Variants in NVL observed in about 807,000 individuals in gnomAD.
The protein encoded by NVL is nuclear valosin-containing protein-like.
A neutral mutation model predicts 110.2 loss-of-function variants in NVL; 84 were observed. The ratio of observed to expected loss-of-function variants is 0.76; its 90% CI spans 0.64 to 0.91. NVL has a LOEUF of 0.91. Ranked by LOEUF, NVL falls within the 40% of genes least tolerant of loss-of-function variation. NVL has a pLI of 0.00. For synonymous variants in NVL, 354 were observed against 361.1 expected (o/e 0.98, Z 0.22); for missense variants, 882 against 1,035.9 (o/e 0.85, Z 2.04).
At chr1:224,246,074 G>C (rs1439094659) in intron 19 of NVL, among the ~76,000 whole-genome samples, 1 of 151,762 alleles carries the variant, frequency 6.6e-6, no homozygotes, top group Non-Finnish European at 1.5e-5. Flanking sequence ...TTGTTGCCCA[G>C]GTTGGAGTGC....
At chr1:224,307,522 C>T (rs984651265) in intron 6 of NVL, among the ~76,000 whole-genome samples, 2 of 151,938 alleles carry the variant, frequency 1.3e-5, no homozygotes, top group African/African-American at 4.8e-5. Context: ...GGCAACCCTG[C>T]AAAACACCAT....
At chr1:224,259,088 T>C (rs1254579423) in intron 18 of NVL, among the ~76,000 whole-genome samples, 1 of 149,076 alleles carries the variant, frequency 6.7e-6, no homozygotes, top group Non-Finnish European at 1.5e-5. Context: ...TTAAGGGTGA[T>C]GAACATTTTT....
Position 224,317,800 on chromosome 1 carries a change from C to A in NVL, c.185-7G>T, listed in dbSNP as rs1242545998. ...CTACTAATTATGCTAAATACTGAAACAAAAAGAAAAACGCTATGAGCTAAA... is the reference window on the plus strand; with the variant it reads ...CTACTAATTATGCTAAATACTGAAAAAAAAAGAAAAACGCTATGAGCTAAA... On this transcript the variant is annotated splice_region_variant and splice_polypyrimidine_tract_variant and intron_variant, in intron 3 of 22. Transcript: ENST00000281701. 6.3e-7 allele frequency: 1 copy of A among 1,580,814 alleles called. No individual in the cohort carries two copies. The highest frequency in any genetic ancestry group is 1.7e-5 in the Admixed American group (1 of 58,682).
At chr1:224,297,047 C>T (rs915593858) in intron 10 of NVL, among the ~76,000 whole-genome samples, 5 of 152,240 alleles carry the variant, frequency 3.3e-5, no homozygotes, top group South Asian at 4.1e-4. Flanking sequence ...TTTCTACTAA[C>T]GTAAGAATCT....
chr1:224,259,930 A>G (rs907798433), intron 18 of NVL, among the ~76,000 whole-genome samples: 6 of 151,572 alleles, frequency 4.0e-5, no homozygotes, highest in African/African-American at 1.5e-4. Context: ...TCAGCCTCCC[A>G]AAGCGCTGGG....
rs779916902 is a variant in NVL, at chr1:224,268,117, C to T, written c.2099G>A (p.Arg700Gln). ...RSDRETGASV[R>Q]VVNQLLTEMD... ...CTCTGTAAGTAGCTGATTCACCACT[C>T]GGACACTTGCCCCTGTCTAAAAAGA... The change falls in exon 18 of 23, where the codon CGA becomes CAA. Residue 700 changes from arginine to glutamine, a missense_variant. By Grantham distance (43) the Arg-to-Gln change is conservative. This residue lies in a region of NVL where 66 missense variants were observed against 127.5 expected (regional missense o/e 0.52). Transcript: ENST00000281701. 3.1e-6 allele frequency: 5 copies of T among 1,613,542 alleles called. No individual in the cohort carries two copies. The highest frequency in any genetic ancestry group is 4.2e-6 in the Non-Finnish European group (5 of 1,179,714).
Position 224,227,366 on chromosome 1 carries a change from T to C in NVL, c.*260A>G. 1 of 283,248 alleles carries C rather than the reference T, an allele frequency of 3.5e-6. No homozygotes were observed. Among genetic ancestry groups the C allele is most frequent in the East Asian group, 6.2e-5 (1 of 16,070 alleles). 17.5% of individuals were successfully genotyped at this position (283,248 alleles called of 1,614,324 possible). On this transcript the variant is annotated 3_prime_UTR_variant, in exon 23 of 23. Coordinates refer to ENST00000281701, the MANE Select transcript of NVL (RefSeq NM_002533.4). The stretch of plus-strand genomic sequence containing the variant: ...AAAATAGTTCAAAGTAAAAGTTTTA[T>C]TTGAAAAATGTAACAGTCATTTTAT...
intron 17 of NVL, among the ~76,000 whole-genome samples, chr1:224,275,002 C>T (rs1235414464): frequency 1.3e-5 from 2 of 152,148 alleles, no homozygotes; most frequent in East Asian, 1.9e-4. Flanking sequence ...GTTTTCCTGT[C>T]TCAAGAACCC....
At chr1:224,253,037 A>T (rs1159234465) in intron 18 of NVL, among the ~76,000 whole-genome samples, 2 of 151,724 alleles carry the variant, frequency 1.3e-5, no homozygotes, top group East Asian at 3.9e-4. Context: ...TTTCTTGTAC[A>T]AGTCTTTGTA....
Position 224,253,209 on chromosome 1 carries a change from G to A in NVL, c.2183-2891C>T, listed in dbSNP as rs535584372. 7.3e-4 allele frequency among the ~76,000 whole-genome samples: 111 copies of A among 151,286 alleles called. 2 individuals are homozygous for A. In the Middle Eastern group the frequency reaches 0.014, roughly 19 times the overall value. ...ACAAGTGTGCCCCCCTGCCCCCCACGCCCGGCTAAGTTTTCTATTTTTAGT... is the reference window on the plus strand; with the variant it reads ...ACAAGTGTGCCCCCCTGCCCCCCACACCCGGCTAAGTTTTCTATTTTTAGT... On this transcript the variant is annotated intron_variant, in intron 18 of 22. Coordinates refer to ENST00000281701, the MANE Select transcript of NVL (RefSeq NM_002533.4).
In NVL at chr1:224,243,366, C is replaced by T. The variant is rs369173187; in HGVS notation, c.2290-6784G>A. Among the ~76,000 whole-genome samples the T allele has an allele frequency of 4.0e-3, 600 of 151,626 alleles. 6 individuals carry two copies. Among genetic ancestry groups the T allele is most frequent in the Middle Eastern group, 0.017 (5 of 290 alleles). ...GTCCCAGCTACTCAGGGAGCAGAGGCGGGAGGATCACTTGAGCCTGGGAGG... is the reference window on the plus strand; with the variant it reads ...GTCCCAGCTACTCAGGGAGCAGAGGTGGGAGGATCACTTGAGCCTGGGAGG... On this transcript the variant is annotated intron_variant, in intron 19 of 22. Transcript: ENST00000281701.
intron 7 of NVL, 62 bp from the exon 8 acceptor site, chr1:224,304,874 T>C (rs1201418589): frequency 6.6e-7 from 1 of 1,503,802 alleles, no homozygotes. Flanking sequence ...ATAATTATAA[T>C]GAATAGTCTT....
At chr1:224,239,316 C>CT (rs1334606689) in intron 19 of NVL, among the ~76,000 whole-genome samples, 2 of 152,006 alleles carry the variant, frequency 1.3e-5, no homozygotes, top group African/African-American at 4.8e-5. Flanking sequence ...TTTAAAGTAT[C>CT]TTAATAGATA....
At position 224,256,423 on chromosome 1, in the gene NVL, TAAAAAAAAAAAA is replaced by T. The variant is rs34959473; in HGVS notation, c.2183-6117_2183-6106del. ...CTGGGCAACAGGGTGAGGCTCCATC[TAAAAAAAAAAAA>T]AAAAAAAAAAAACCCACAGAAAACT... On this transcript the variant is annotated intron_variant, in intron 18 of 22. Transcript: ENST00000281701. 6.8e-3 allele frequency among the ~76,000 whole-genome samples: 511 copies of T among 75,678 alleles called. 6 individuals carry two copies. The highest frequency in any genetic ancestry group is 0.024 in the African/African-American group (485 of 20,428). 49.6% of individuals were successfully genotyped at this position (75,678 alleles called of 152,430 possible). A position where few individuals can be genotyped will look rare whatever the true frequency, so the allele number is the denominator to read the frequency against.
intron 4 of NVL, among the ~76,000 whole-genome samples, chr1:224,315,137 C>A (rs1669948039): frequency 6.6e-6 from 1 of 151,830 alleles, no homozygotes; most frequent in African/African-American, 2.4e-5. Flanking sequence ...CTCATTGTAA[C>A]CTTCAACTCT....
chr1:224,290,009 T>A (rs1360822368), intron 12 of NVL, among the ~76,000 whole-genome samples: 1 of 152,200 alleles, frequency 6.6e-6, no homozygotes, highest in Non-Finnish European at 1.5e-5. Flanking sequence ...CCTTTAAGAA[T>A]TTACAACATT....
At chr1:224,272,942 G>A (rs1469635045) in intron 17 of NVL, among the ~76,000 whole-genome samples, 1 of 144,942 alleles carries the variant, frequency 6.9e-6, no homozygotes, top group African/African-American at 2.7e-5. Context: ...GCTGAGGCAG[G>A]AGAATGGCGT....
At chr1:224,270,089 G>GA (rs113966505) in intron 17 of NVL, among the ~76,000 whole-genome samples, 9,855 of 142,374 alleles carry the variant, frequency 0.069, 1,021 homozygotes, top group African/African-American at 0.22. Context: ...GATTTCTCTA[G>GA]AAAAAAAAAA....
chr1:224,278,090 A>C (rs979160740), intron 16 of NVL, among the ~76,000 whole-genome samples: 1 of 152,092 alleles, frequency 6.6e-6, no homozygotes, highest in African/African-American at 2.4e-5. Flanking sequence ...GTGACTTTCA[A>C]ATCTCTTCAG....
Sources: allele counts gnomAD v4.1 joint callset (sites outside exome capture counted in the v4.1 genomes callset), GRCh38; gene constraint gnomAD v4.1.1; regional missense constraint gnomAD v4.1.1; transcripts MANE v1.5; gene names NCBI Gene and HGNC (gene_info 2026-07-23, HGNC 2026-07-21).